The following RFX2 variants were observed in gnomAD, a reference collection of about 807,000 sequenced individuals.
RFX2 encodes the protein regulatory factor X2.
RFX2 carries 20 observed loss-of-function variants against 87.8 expected under a neutral mutation model. The observed-to-expected ratio is 0.23, with a 90% CI of 0.16 to 0.33. The LOEUF (loss-of-function observed/expected upper bound fraction) is 0.33. Among genes scored for constraint, RFX2 ranks in the 10% least tolerant of loss-of-function variants. The probability of loss-of-function intolerance (pLI) is 1.00; values close to 1 mark genes in which losing one functional copy is unlikely to be tolerated. For synonymous variants in RFX2, 397 were observed against 431.3 expected, an observed-to-expected ratio of 0.92 and a Z score of 0.98; for missense variants, 767 against 1,012.3, an observed-to-expected ratio of 0.76 and a Z score of 3.29.
intron 3 of RFX2, among the ~76,000 whole-genome samples, chr19:6,043,603 G>A (rs1177602648): frequency 1.3e-5 from 2 of 152,240 alleles, no homozygotes; most frequent in East Asian, 1.9e-4. Flanking sequence ...TATCATTTAT[G>A]GCTGCTTTTG....
chr19:6,047,592 G>C lies in RFX2; in HGVS notation c.-8-88C>G, dbSNP rs1032444901. 7.6e-5 allele frequency: 79 copies of C among 1,039,468 alleles called. No homozygotes were observed. Among genetic ancestry groups the C allele is most frequent in the Non-Finnish European group, 1.0e-4 (71 of 692,280 alleles). 64.4% of individuals were successfully genotyped at this position (1,039,468 alleles called of 1,614,324 possible). On this transcript the variant is annotated intron_variant, in intron 1 of 17. Coordinates refer to ENST00000303657, the MANE Select transcript of RFX2 (RefSeq NM_000635.4). The surrounding 1 kb of genome is among the most constrained non-coding windows in gnomAD (Gnocchi z 4.2). ...AACTAACAAGTTCAAGGGAGGGAAGGAGTAACCAGCTACATTCTTCAAAGT... is the reference window on the plus strand; with the variant it reads ...AACTAACAAGTTCAAGGGAGGGAAGCAGTAACCAGCTACATTCTTCAAAGT...
chr19:6,000,202 C>A (rs1208405612), intron 15 of RFX2, among the ~76,000 whole-genome samples: 2 of 152,204 alleles, frequency 1.3e-5, no homozygotes, highest in African/African-American at 4.8e-5. Flanking sequence ...CCAGTCTGGT[C>A]TTGAACTTCT....
chr19:6,031,024 G>T (rs2086947108), intron 5 of RFX2, among the ~76,000 whole-genome samples: 1 of 152,258 alleles, frequency 6.6e-6, no homozygotes, highest in Admixed American at 6.5e-5. Flanking sequence ...CTGGTTGGCA[G>T]ACACAACTCC....
In RFX2 at chr19:6,073,312, G is replaced by C. The variant is rs1599906905; in HGVS notation, c.-8-25808C>G. On this transcript the variant is annotated intron_variant, in intron 1 of 17. Transcript: ENST00000303657. ...ATCTTGATGCCCAACACTGGTCATG[G>C]GAGCAACAAAAAACAAAGCACATGC... is the stretch of plus-strand genomic sequence containing the variant. 7.4e-6 allele frequency: 9 copies of C among 1,215,828 alleles called. No individual in the cohort carries two copies. In the East Asian group the frequency reaches 2.2e-4, roughly 29 times the overall value. 75.3% of individuals were successfully genotyped at this position (1,215,828 alleles called of 1,614,324 possible).
At chr19:6,100,378 C>T (rs1599933945) in intron 1 of RFX2, among the ~76,000 whole-genome samples, 1 of 152,210 alleles carries the variant, frequency 6.6e-6, no homozygotes, top group East Asian at 1.9e-4. Flanking sequence ...CATGACAAGG[C>T]GGTTGGGAGA....
At position 6,064,855 on chromosome 19, in the gene RFX2, G is replaced by A. The variant is rs990713680; in HGVS notation, c.-8-17351C>T. Among the ~76,000 whole-genome samples, 3 of 152,152 alleles carry A rather than the reference G, an allele frequency of 2.0e-5. No individual in the cohort carries two copies. Among genetic ancestry groups the A allele is most frequent in the Non-Finnish European group, 2.9e-5 (2 of 68,036 alleles). ...GATTTGATTCTGGAATTTAAGAAGC[G>A]GAGAAAGAGCCTAGTTCAAATTCAA... On this transcript the variant is annotated intron_variant, in intron 1 of 17. Coordinates refer to ENST00000303657, the MANE Select transcript of RFX2 (RefSeq NM_000635.4). The surrounding 1 kb of genome is among the most constrained non-coding windows in gnomAD (Gnocchi z 4.8).
intron 1 of RFX2, among the ~76,000 whole-genome samples, chr19:6,098,275 C>T (rs2088058545): frequency 6.6e-6 from 1 of 152,140 alleles, no homozygotes; most frequent in South Asian, 2.1e-4. Flanking sequence ...TTAAAAACGA[C>T]CTCTCCTCCT....
Position 5,994,937 on chromosome 19 carries a change from A to G in RFX2, c.2070T>C (p.Asp690=), listed in dbSNP as rs1254439605. Residue 690 remains aspartate (D), a synonymous_variant, in exon 18 of 18, where the codon GAT becomes GAC. Coordinates refer to ENST00000303657, the MANE Select transcript of RFX2 (RefSeq NM_000635.4). The part of the protein sequence containing the change: ...LTLLDKDDMG[D]EQRGSEAGPD... The stretch of plus-strand genomic sequence containing the variant: ...GGCCCGCCTCGCTGCCACGCTGCTC[A>G]TCGCCCATGTCATCTGCGGAGGGAG... 1.2e-6 allele frequency: 2 copies of G among 1,607,328 alleles called. No individual in the cohort carries two copies. The highest frequency in any genetic ancestry group is 1.7e-5 in the Admixed American group (1 of 60,008).
intron 1 of RFX2, among the ~76,000 whole-genome samples, chr19:6,094,348 A>G (rs972285895): frequency 2.0e-5 from 3 of 152,162 alleles, no homozygotes; most frequent in Admixed American, 1.3e-4. Flanking sequence ...AAGTCCTGAA[A>G]TGGTCACTAG....
chr19:6,035,426 G>A (rs906174750), intron 5 of RFX2, among the ~76,000 whole-genome samples: 4 of 152,176 alleles, frequency 2.6e-5, no homozygotes, highest in Non-Finnish European at 4.4e-5. Flanking sequence ...AATAGAAAAC[G>A]TGTGTATCAA....
rs59064688 is a variant in RFX2, at chr19:6,004,800, T to TA, written c.1403-503dup. 1.9e-3 allele frequency among the ~76,000 whole-genome samples: 267 copies of TA among 142,358 alleles called. 1 individual carries two copies. The highest frequency in any genetic ancestry group is 0.014 in the East Asian group (71 of 4,934). The allele number at this position is 142,358 out of a possible 152,430, so 93.4% of individuals were successfully genotyped here. A position where few individuals can be genotyped will look rare whatever the true frequency, so the allele number is the denominator to read the frequency against. ...AATAAGAAGCAAATGATCAGACTGT[T>TA]AAAAAAAAAAAAAACCAAAAAACAA... is the stretch of plus-strand genomic sequence containing the variant. On this transcript the variant is annotated intron_variant, in intron 12 of 17. Transcript: ENST00000303657. The surrounding 1 kb of genome is among the most constrained non-coding windows in gnomAD (Gnocchi z 4.8).
intron 1 of RFX2, among the ~76,000 whole-genome samples, chr19:6,052,774 A>G (rs2087283071): frequency 6.6e-6 from 1 of 152,216 alleles, no homozygotes; most frequent in Non-Finnish European, 1.5e-5. Context: ...AACTTAAAAT[A>G]CACCTTCAAA....
At chr19:6,087,617 G>A (rs73549964) in intron 1 of RFX2, among the ~76,000 whole-genome samples, 3,045 of 152,182 alleles carry the variant, frequency 0.02, 121 homozygotes, top group African/African-American at 0.071. Flanking sequence ...AGAGAAGCCC[G>A]ATTCCAATTC....
At chr19:6,025,583 C>T (rs576353198) in intron 6 of RFX2, among the ~76,000 whole-genome samples, 1 of 152,042 alleles carries the variant, frequency 6.6e-6, no homozygotes, top group South Asian at 2.1e-4. Context: ...AAGTATTTTA[C>T]GTACATTAAA....
chr19:6,058,586 T>G (rs554109696), intron 1 of RFX2, among the ~76,000 whole-genome samples: 1 of 148,084 alleles, frequency 6.8e-6, no homozygotes, highest in Admixed American at 6.7e-5. Flanking sequence ...TGCCCGTCAT[T>G]CCTCACTTTT....
chr19:6,025,784 C>CTTTTTTTTTTTTTTTT, intron 6 of RFX2, among the ~76,000 whole-genome samples: 1 of 130,030 alleles, frequency 7.7e-6, no homozygotes, highest in Non-Finnish European at 1.6e-5. Context: ...TTGTCTTCTT[C>CTTTTTTTTTTTTTTTT]TTTTTTTTTT....
rs191697056 is a variant in RFX2 at position 5,996,052 on chromosome 19, A to T, written c.2014-409T>A. The stretch of plus-strand genomic sequence containing the variant: ...CCGGCGTTCACGCCAATGTGCAGAG[A>T]ACAGGCGGCTTCCACAGTTTCTGTA... On this transcript the variant is annotated intron_variant, in intron 16 of 17. Coordinates refer to ENST00000303657, the MANE Select transcript of RFX2 (RefSeq NM_000635.4). 2.7e-3 allele frequency among the ~76,000 whole-genome samples: 407 copies of T among 152,378 alleles called. 3 individuals are homozygous for T. The highest frequency in any genetic ancestry group is 9.4e-3 in the African/African-American group (392 of 41,592).
chr19:6,085,647 GT>G (rs1377131266), intron 1 of RFX2, among the ~76,000 whole-genome samples: 2 of 152,040 alleles, frequency 1.3e-5, no homozygotes, highest in Admixed American at 6.6e-5. Context: ...TCCTTTTGTC[GT>G]GAGTGCTTTT....
intron 10 of RFX2, 102 bp downstream of exon 10, chr19:6,008,004 G>T (rs543439337): frequency 1.1e-6 from 1 of 913,810 alleles, no homozygotes; most frequent in Non-Finnish European, 1.8e-6. Context: ...TGGGGGGCTC[G>T]GGGCTCCAGC....
Sources: gnomAD v4.1 joint callset for allele counts (sites outside exome capture counted in the v4.1 genomes callset) on GRCh38, gnomAD v4.1.1 for gene constraint, Gnocchi (gnomAD v3.1) non-coding constraint, MANE v1.5 for transcripts, NCBI Gene and HGNC (gene_info 2026-07-23, HGNC 2026-07-21) for gene names.